The following FBXO11 variants were observed in gnomAD, a reference collection of about 807,000 sequenced individuals.
FBXO11 encodes the protein F-box only protein 11.
FBXO11 carries 13 observed loss-of-function variants against 117.0 expected under a neutral mutation model. The ratio of observed to expected loss-of-function variants is 0.11; its 90% CI spans 0.07 to 0.18. The LOEUF (loss-of-function observed/expected upper bound fraction) is 0.18, where lower values mean the gene tolerates loss of function less well. Ranked by LOEUF, FBXO11 falls within the 10% of genes least tolerant of loss-of-function variation. The probability of loss-of-function intolerance (pLI) is 1.00; values close to 1 mark genes in which losing one functional copy is unlikely to be tolerated. For missense variants in FBXO11, 767 were observed against 1,164.4 expected (o/e 0.66, Z 4.97); for synonymous variants, 490 against 380.5 (o/e 1.29, Z -3.35).
At chr2:47,857,922 C>A (rs12712997) in intron 1 of FBXO11, among the ~76,000 whole-genome samples, 99,503 of 151,466 alleles carry the variant, frequency 0.66, 33,391 homozygotes, top group African/African-American at 0.8. Context: ...ATTATTTTGT[C>A]CTTTATATGG....
chr2:47,824,307 G>T (rs1671589352), intron 11 of FBXO11, among the ~76,000 whole-genome samples: 1 of 152,136 alleles, frequency 6.6e-6, no homozygotes, highest in Non-Finnish European at 1.5e-5. Flanking sequence ...GGGTAACAGT[G>T]AGACGTCGTC....
chr2:47,881,183 C>T (rs1369152249), intron 1 of FBXO11, among the ~76,000 whole-genome samples: 2 of 152,152 alleles, frequency 1.3e-5, no homozygotes, highest in South Asian at 2.1e-4. Context: ...ACCCGGGAGT[C>T]GGAGGTTGCA....
At chr2:47,839,819 T>G (rs748560097) in intron 1 of FBXO11, 50 bp from the exon 2 acceptor site, 1 of 1,542,852 alleles carries the variant, frequency 6.5e-7, no homozygotes, top group Non-Finnish European at 8.7e-7. Context: ...TTAAAAAAAG[T>G]TCTATGGATA....
In FBXO11 at chr2:47,869,609, C is replaced by T. The variant is rs563821430; in HGVS notation, c.233-29840G>A. On this transcript the variant is annotated intron_variant, in intron 1 of 22. Coordinates refer to ENST00000403359, the MANE Select transcript of FBXO11 (RefSeq NM_001190274.2). Reference sequence around the variant, plus strand: ...GGTTATCCCACCAGGTAAAGATCCACGGCCAGCTGAAGTACTTGCTGAAGG... The same window carrying T: ...GGTTATCCCACCAGGTAAAGATCCATGGCCAGCTGAAGTACTTGCTGAAGG... Among the ~76,000 whole-genome samples the T allele has an allele frequency of 1.2e-4, 19 of 152,312 alleles. No individual in the cohort carries two copies. The East Asian group carries it at 3.3e-3, about 26-fold the overall frequency.
At chr2:47,868,430 T>A (rs1034242593) in intron 1 of FBXO11, among the ~76,000 whole-genome samples, 3 of 152,156 alleles carry the variant, frequency 2.0e-5, no homozygotes, top group African/African-American at 7.2e-5. Flanking sequence ...GAATGCTTGC[T>A]GGGCCCTTCC....
chr2:47,839,525 T>TA (rs1250927240), intron 2 of FBXO11, 25 bp from the exon 3 acceptor site: 1 of 1,610,626 alleles, frequency 6.2e-7, no homozygotes, highest in South Asian at 1.1e-5. Context: ...CAGAAACTAG[T>TA]AAAGCAAATA....
At chr2:47,888,555 T>C (rs1173000396) in intron 1 of FBXO11, 9 of 304,862 alleles carry the variant, frequency 3.0e-5, no homozygotes, top group Non-Finnish European at 3.8e-5. Flanking sequence ...GAGTATATAA[T>C]AGGAAAAAAA....
At chr2:47,865,799 T>C (rs527573161) in intron 1 of FBXO11, 38 of 152,278 alleles carry the variant, frequency 2.5e-4, no homozygotes, top group African/African-American at 7.9e-4. Flanking sequence ...AGCTATATGA[T>C]TGTGGGCAGA....
chr2:47,832,245 C>T (rs1672250784), intron 11 of FBXO11, 104 bp downstream of exon 11: 4 of 926,996 alleles, frequency 4.3e-6, no homozygotes, highest in East Asian at 5.1e-5. Flanking sequence ...TAAACCTATA[C>T]TCTTCAATTC....
chr2:47,809,567 A>G, intron 20 of FBXO11, 33 bp downstream of exon 20: 2 of 1,431,908 alleles, frequency 1.4e-6, no homozygotes, highest in Non-Finnish European at 1.9e-6. Context: ...GGCATATTGC[A>G]TATATTTATA....
chr2:47,848,092 C>A (rs778028510), intron 1 of FBXO11, among the ~76,000 whole-genome samples: 45 of 152,070 alleles, frequency 3.0e-4, no homozygotes, highest in Non-Finnish European at 4.6e-4. Context: ...CCACTGCACT[C>A]CAGCCTGGGC....
rs1672304088 is a variant in FBXO11, at chr2:47,833,074, T to C, written c.935-4A>G. On this transcript the variant is annotated splice_region_variant and splice_polypyrimidine_tract_variant and intron_variant, in intron 7 of 22. Coordinates refer to ENST00000403359, the MANE Select transcript of FBXO11 (RefSeq NM_001190274.2). ...TTGTCTGCCACTTTCCCAGGTGCTG[T>C]GGAGAAGATATTTTAAAGAATATTA... 1 of 1,589,044 alleles carries C rather than the reference T, an allele frequency of 6.3e-7. No homozygotes were observed. Among genetic ancestry groups the C allele is most frequent in the Non-Finnish European group, 8.6e-7 (1 of 1,158,360 alleles).
At chr2:47,831,962 T>C (rs191282936) in intron 11 of FBXO11, among the ~76,000 whole-genome samples, 2 of 152,222 alleles carry the variant, frequency 1.3e-5, no homozygotes, top group African/African-American at 4.8e-5. Flanking sequence ...TTCACTTATG[T>C]TGTTTATTAA....
At chr2:47,839,819 T>C (rs748560097) in intron 1 of FBXO11, 50 bp from the exon 2 acceptor site, 36 of 1,542,852 alleles carry the variant, frequency 2.3e-5, no homozygotes, top group South Asian at 3.7e-5. Flanking sequence ...TTAAAAAAAG[T>C]TCTATGGATA....
chr2:47,812,632 A>G (rs940840111), intron 18 of FBXO11, among the ~76,000 whole-genome samples: 6 of 152,200 alleles, frequency 3.9e-5, no homozygotes, highest in East Asian at 1.9e-4. Flanking sequence ...TAGCTATTCT[A>G]TGTAAGATAT....
At chr2:47,873,651 G>C (rs1308916785) in intron 1 of FBXO11, among the ~76,000 whole-genome samples, 1 of 152,108 alleles carries the variant, frequency 6.6e-6, no homozygotes, top group Non-Finnish European at 1.5e-5. Context: ...TTCCATACCT[G>C]CCGGCTGTTT....
intron 1 of FBXO11, among the ~76,000 whole-genome samples, chr2:47,885,911 C>A (rs1022793815): frequency 6.6e-6 from 1 of 151,140 alleles, no homozygotes; most frequent in African/African-American, 2.4e-5. Context: ...TTAAGTACCC[C>A]CACTATCTCT....
At chr2:47,819,104 A>G (rs766101185) in intron 14 of FBXO11, 26 bp from the exon 15 acceptor site, 14 of 1,607,114 alleles carry the variant, frequency 8.7e-6, no homozygotes, top group African/African-American at 4.0e-5. Context: ...ACTGGTTATA[A>G]TATTTATCTT....
At chr2:47,814,563 G>C (rs143181729) in intron 16 of FBXO11, among the ~76,000 whole-genome samples, 1,946 of 152,024 alleles carry the variant, frequency 0.013, 25 homozygotes, top group Non-Finnish European at 0.015. Context: ...ATTTTTTGTA[G>C]AGATGGAGTT....
Sources: allele counts gnomAD v4.1 joint callset (sites outside exome capture counted in the v4.1 genomes callset), GRCh38; gene constraint gnomAD v4.1.1; transcripts MANE v1.5; gene names NCBI Gene and HGNC (gene_info 2026-07-23, HGNC 2026-07-21).